Variants in PPM1E observed in about 807,000 individuals in gnomAD.
The protein encoded by PPM1E is protein phosphatase, Mg2+/Mn2+ dependent 1E.
PPM1E carries 20 observed loss-of-function variants against 65.9 expected under a neutral mutation model. That is an observed-to-expected ratio of 0.30 (90% confidence interval 0.21 to 0.44). The LOEUF is 0.44. Among genes scored for constraint, PPM1E ranks in the 20% least tolerant of loss-of-function variants. The pLI is 1.00. For synonymous variants in PPM1E, 352 were observed against 374.9 expected (o/e 0.94, Z 0.70); for missense variants, 713 against 953.1 (o/e 0.75, Z 3.32).
intron 1 of PPM1E, among the ~76,000 whole-genome samples, chr17:58,940,962 C>T (rs112036421): frequency 0.38 from 57,154 of 152,166 alleles, 10,960 homozygotes; most frequent in Middle Eastern, 0.51. Context: ...CCACCCACCT[C>T]AGCCTCCCAA....
At chr17:58,779,035 A>G (rs1165995891) in intron 1 of PPM1E, among the ~76,000 whole-genome samples, 2 of 149,502 alleles carry the variant, frequency 1.3e-5, no homozygotes, top group Non-Finnish European at 3.0e-5. Flanking sequence ...ACGTTCCTTG[A>G]AAACATAATG....
chr17:58,908,766 C>T (rs2051588847), intron 1 of PPM1E, among the ~76,000 whole-genome samples: 1 of 152,044 alleles, frequency 6.6e-6, no homozygotes, highest in Non-Finnish European at 1.5e-5. Flanking sequence ...TTAGTGGTTG[C>T]TCTGGAGTTT....
At chr17:58,824,607 T>G (rs75725741) in intron 1 of PPM1E, among the ~76,000 whole-genome samples, 5 of 151,638 alleles carry the variant, frequency 3.3e-5, no homozygotes, top group Admixed American at 1.3e-4. Context: ...TTTTTTTTTT[T>G]GAGACGGAGT....
chr17:58,928,996 G>A (rs1479116473), intron 1 of PPM1E, among the ~76,000 whole-genome samples: 2 of 152,102 alleles, frequency 1.3e-5, no homozygotes, highest in Admixed American at 6.6e-5. Flanking sequence ...GAGCCACTGC[G>A]CCCGGCCGAA....
chr17:58,762,973 T>C (rs1194608487), intron 1 of PPM1E, among the ~76,000 whole-genome samples: 2 of 152,082 alleles, frequency 1.3e-5, no homozygotes, highest in African/African-American at 2.4e-5. Context: ...TTCATGTTGA[T>C]CCATGTAGAT....
chr17:58,850,753 T>C (rs1000577216), intron 1 of PPM1E, among the ~76,000 whole-genome samples: 2 of 152,224 alleles, frequency 1.3e-5, no homozygotes, highest in South Asian at 2.1e-4. Flanking sequence ...CAATTATGTG[T>C]CTTGGAGTTG....
intron 1 of PPM1E, among the ~76,000 whole-genome samples, chr17:58,767,224 T>G (rs997953829): frequency 6.6e-6 from 1 of 152,166 alleles, no homozygotes; most frequent in Non-Finnish European, 1.5e-5. Context: ...TTGTTTTATA[T>G]TTATTACCTC....
intron 1 of PPM1E, among the ~76,000 whole-genome samples, chr17:58,758,391 G>A (rs1178467102): frequency 1.3e-5 from 2 of 151,994 alleles, no homozygotes; most frequent in Admixed American, 6.6e-5. Context: ...AGCTGGGCGT[G>A]GTGTCGCGCG....
intron 1 of PPM1E, among the ~76,000 whole-genome samples, chr17:58,763,087 C>T (rs1567826273): frequency 1.3e-5 from 2 of 151,954 alleles, no homozygotes; most frequent in Non-Finnish European, 2.9e-5. Flanking sequence ...TTAATTTTTA[C>T]ACATATATTA....
At chr17:58,975,947 A>G (rs1469963288) in intron 6 of PPM1E, among the ~76,000 whole-genome samples, 2 of 152,226 alleles carry the variant, frequency 1.3e-5, no homozygotes, top group Admixed American at 6.5e-5. Context: ...CTACTAATCA[A>G]CAAACAATCT....
At chr17:58,909,924 C>CTTTTTTTTTTTTTTTTTTTTT (rs35833275) in intron 1 of PPM1E, among the ~76,000 whole-genome samples, 59 of 90,028 alleles carry the variant, frequency 6.6e-4, no homozygotes, top group East Asian at 1.4e-3. Context: ...TTTTCTTTTT[C>CTTTTTTTTTTTTTTTTTTTTT]TTTTTTTTTT....
intron 1 of PPM1E, among the ~76,000 whole-genome samples, chr17:58,815,676 A>C (rs1419604247): frequency 1.3e-5 from 2 of 152,114 alleles, no homozygotes; most frequent in Non-Finnish European, 2.9e-5. Context: ...TATGTACTAG[A>C]GCTGATTTTG....
chr17:58,861,303 A>G (rs2050939976), intron 1 of PPM1E, among the ~76,000 whole-genome samples: 1 of 152,250 alleles, frequency 6.6e-6, no homozygotes, highest in East Asian at 1.9e-4. Flanking sequence ...AGAACAAGGG[A>G]TGAAAATAAA....
chr17:58,782,076 A>G (rs527793161), intron 1 of PPM1E, among the ~76,000 whole-genome samples: 1 of 152,238 alleles, frequency 6.6e-6, no homozygotes, highest in South Asian at 2.1e-4. Context: ...ATTTATAGCC[A>G]ATGAGGAAGA....
intron 1 of PPM1E, among the ~76,000 whole-genome samples, chr17:58,797,573 T>G (rs1215065094): frequency 6.6e-6 from 1 of 152,200 alleles, no homozygotes; most frequent in Non-Finnish European, 1.5e-5. Context: ...CTGAGTAGTA[T>G]TTGATTGTGT....
intron 1 of PPM1E, among the ~76,000 whole-genome samples, chr17:58,883,250 G>A (rs962746387): frequency 5.3e-5 from 8 of 151,814 alleles, no homozygotes; most frequent in African/African-American, 1.5e-4. Context: ...GAGCCACCGC[G>A]CCCGGCCTGT....
intron 1 of PPM1E, among the ~76,000 whole-genome samples, chr17:58,845,388 G>T (rs1402838438): frequency 6.8e-6 from 1 of 147,760 alleles, no homozygotes; most frequent in African/African-American, 2.5e-5. Context: ...ACAATTTATT[G>T]GTATTAAGTA....
At chr17:58,848,668 G>A (rs369823455) in intron 1 of PPM1E, among the ~76,000 whole-genome samples, 1 of 152,184 alleles carries the variant, frequency 6.6e-6, no homozygotes, top group Non-Finnish European at 1.5e-5. Flanking sequence ...TGCTGGATTC[G>A]GTTTGCCAGT....
intron 3 of PPM1E, chr17:58,966,681 A>T (rs2030277286): frequency 6.5e-6 from 1 of 154,002 alleles, no homozygotes; most frequent in Admixed American, 6.5e-5. Flanking sequence ...TTTTCTTGTT[A>T]TCTTTCTTTT....
Sources: gnomAD v4.1 joint callset for allele counts (sites outside exome capture counted in the v4.1 genomes callset) on GRCh38, gnomAD v4.1.1 for gene constraint, MANE v1.5 for transcripts, NCBI Gene and HGNC (gene_info 2026-07-23, HGNC 2026-07-21) for gene names.